Variants in CPVL observed in about 807,000 individuals in gnomAD.
CPVL encodes the protein carboxypeptidase vitellogenic like, also known as probable serine carboxypeptidase CPVL.
CPVL carries 51 observed loss-of-function variants against 63.7 expected under a neutral mutation model. The ratio of observed to expected loss-of-function variants is 0.80; its 90% CI spans 0.64 to 1.01. The LOEUF (loss-of-function observed/expected upper bound fraction) is 1.01. Among genes scored for constraint, CPVL ranks in the 50% least tolerant of loss-of-function variants. The probability of loss-of-function intolerance (pLI) is 0.00; values close to 1 mark genes in which losing one functional copy is unlikely to be tolerated. For synonymous variants in CPVL, 195 were observed against 206.0 expected, an observed-to-expected ratio of 0.95 and a Z score of 0.46; for missense variants, 530 against 573.1, an observed-to-expected ratio of 0.92 and a Z score of 0.77.
intron 11 of CPVL, among the ~76,000 whole-genome samples, chr7:29,045,022 T>C (rs1320789032): frequency 3.3e-5 from 5 of 152,160 alleles, no homozygotes; most frequent in South Asian, 2.1e-4. Context: ...CTTTATGACA[T>C]GATGGTGGTG....
At chr7:29,189,677 C>T (rs1365541493) in intron 1 of CPVL, among the ~76,000 whole-genome samples, 1 of 152,132 alleles carries the variant, frequency 6.6e-6, no homozygotes, top group African/African-American at 2.4e-5. Flanking sequence ...CTCTCTCTCT[C>T]TCGGCCCCCC....
chr7:29,024,381 G>A (rs981203834), intron 12 of CPVL, among the ~76,000 whole-genome samples: 1 of 152,074 alleles, frequency 6.6e-6, no homozygotes, highest in East Asian at 1.9e-4. Context: ...TCACATTTTG[G>A]GTGTTCCAGA....
intron 5 of CPVL, among the ~76,000 whole-genome samples, chr7:29,173,740 C>T (rs552926516): frequency 9.3e-5 from 14 of 150,088 alleles, no homozygotes; most frequent in African/African-American, 2.7e-4. Context: ...GTCAGGTGCC[C>T]GGCCTGTCCA....
intron 1 of CPVL, among the ~76,000 whole-genome samples, chr7:29,135,101 C>A: frequency 1.9e-5 from 1 of 54,050 alleles, no homozygotes; most frequent in South Asian, 1.2e-3. Flanking sequence ...GAGACCTTGC[C>A]TCAAAAAAAA....
chr7:29,047,039 T>C (rs539979780), intron 11 of CPVL, among the ~76,000 whole-genome samples: 1 of 152,348 alleles, frequency 6.6e-6, no homozygotes, highest in South Asian at 2.1e-4. Context: ...TGGTTTATAG[T>C]ACAAATGAAC....
At chr7:29,064,600 G>A (rs187668180) in intron 10 of CPVL, among the ~76,000 whole-genome samples, 161 of 152,274 alleles carry the variant, frequency 1.1e-3, no homozygotes, top group African/African-American at 3.9e-3. Flanking sequence ...CTTGTTGGTG[G>A]CTCTTTGGAA....
chr7:29,121,199 T>C, intron 1 of CPVL, 128 bp from the exon 2 acceptor site: 5 of 786,554 alleles, frequency 6.4e-6, no homozygotes, highest in Non-Finnish European at 7.7e-6. Context: ...GCAAGGACCT[T>C]GGATAGCACC....
intron 1 of CPVL, among the ~76,000 whole-genome samples, chr7:29,138,541 G>C (rs1054789853): frequency 2.6e-5 from 4 of 152,290 alleles, no homozygotes; most frequent in East Asian, 3.9e-4. Context: ...GATGATCCCA[G>C]ATGTGACTTA....
chr7:29,096,370 T>C (rs1451087466), intron 3 of CPVL, 153 bp from the exon 4 acceptor site: 14 of 639,952 alleles, frequency 2.2e-5, no homozygotes, highest in Middle Eastern at 2.5e-4. Flanking sequence ...CTCTCCACTA[T>C]GAGCAAAGTA....
At chr7:29,115,876 G>A (rs567381565) in intron 2 of CPVL, among the ~76,000 whole-genome samples, 1 of 152,244 alleles carries the variant, frequency 6.6e-6, no homozygotes, top group Admixed American at 6.5e-5. Flanking sequence ...ACCACACAGG[G>A]TCCACAGACT....
At chr7:29,123,875 T>C (rs987717620) in intron 1 of CPVL, among the ~76,000 whole-genome samples, 1 of 151,490 alleles carries the variant, frequency 6.6e-6, no homozygotes, top group Non-Finnish European at 1.5e-5. Context: ...TCAAAGATGT[T>C]AAAAAAGGAA....
chr7:28,996,296 C>G (rs1205741663), intron 12 of CPVL: 1 of 155,880 alleles, frequency 6.4e-6, no homozygotes, highest in Non-Finnish European at 1.4e-5. Flanking sequence ...CTACTTAATT[C>G]CACCCTTCAG....
rs981275818 is a variant in CPVL at position 29,069,211 on chromosome 7, G to A, written c.864+2562C>T. On this transcript the variant is annotated intron_variant, in intron 9 of 12. Transcript: ENST00000265394. ...TCCCAGCACTTTGGAAGGCCGAGGC[G>A]GGCGGATCACTTGAGGTCCGGAGTT... Among the ~76,000 whole-genome samples the A allele has an allele frequency of 4.6e-5, 7 of 151,406 alleles. No individual in the cohort carries two copies. The South Asian group carries it at 1.3e-3, about 27-fold the overall frequency.
At chr7:29,144,096 T>C (rs1055361316) in intron 1 of CPVL, among the ~76,000 whole-genome samples, 7 of 152,242 alleles carry the variant, frequency 4.6e-5, no homozygotes, top group Non-Finnish European at 7.3e-5. Flanking sequence ...CAAGTCAATA[T>C]AGACGTTAAT....
chr7:29,087,414 ACT>A (rs1203850271), intron 6 of CPVL, among the ~76,000 whole-genome samples: 38 of 123,630 alleles, frequency 3.1e-4, no homozygotes, highest in African/African-American at 9.6e-4. Context: ...ACAGAGTAAG[ACT>A]CTGTCTCAAA....
At chr7:29,115,557 G>A (rs1788700027) in intron 2 of CPVL, among the ~76,000 whole-genome samples, 1 of 152,052 alleles carries the variant, frequency 6.6e-6, no homozygotes, top group African/African-American at 2.4e-5. Context: ...CCCCAGGGCT[G>A]GGCAGCCTTT....
chr7:29,160,644 C>T (rs1419731863), intron 5 of CPVL, among the ~76,000 whole-genome samples: 2 of 152,204 alleles, frequency 1.3e-5, no homozygotes, highest in Non-Finnish European at 2.9e-5. Context: ...CACCTTGACT[C>T]CTAATTTGGG....
At chr7:29,120,804 G>C (rs1435414212) in intron 2 of CPVL, 89 bp downstream of exon 2, 1 of 1,319,940 alleles carries the variant, frequency 7.6e-7, no homozygotes, top group Non-Finnish European at 1.0e-6. Flanking sequence ...CTAGTGACAG[G>C]CGAGACTTCG....
intron 11 of CPVL, among the ~76,000 whole-genome samples, chr7:29,060,998 GCTGT>G (rs1319130580): frequency 2.6e-5 from 4 of 152,188 alleles, no homozygotes; most frequent in African/African-American, 9.7e-5. Context: ...GAGTGAACAT[GCTGT>G]CTGTTTTAGC....
Sources: allele counts gnomAD v4.1 joint callset (sites outside exome capture counted in the v4.1 genomes callset), GRCh38; gene constraint gnomAD v4.1.1; transcripts MANE v1.5; gene names NCBI Gene and HGNC (gene_info 2026-07-23, HGNC 2026-07-21).